SLC36A2: variants seen among roughly 807,000 people sequenced by gnomAD.
SLC36A2 encodes solute carrier family 36 member 2.
SLC36A2 carries 39 observed loss-of-function variants against 42.7 expected under a neutral mutation model. That is an observed-to-expected ratio of 0.91 (90% confidence interval 0.71 to 1.19). SLC36A2 has a LOEUF of 1.19. SLC36A2 is among the 50% of genes most tolerant of loss of function. SLC36A2 has a pLI of 0.00. For synonymous variants in SLC36A2, 237 were observed against 240.8 expected (o/e 0.98, Z 0.15); for missense variants, 590 against 613.7 (o/e 0.96, Z 0.41).
At chr5:151,318,343 A>C (rs1274752093) in intron 9 of SLC36A2, among the ~76,000 whole-genome samples, 1 of 151,206 alleles carries the variant, frequency 6.6e-6, no homozygotes, top group African/African-American at 2.4e-5. Flanking sequence ...TGTTTGTACT[A>C]TCAAAATTTG....
rs182464843 is a variant in SLC36A2, at chr5:151,332,271, T to C, written c.843+953A>G. Among the ~76,000 whole-genome samples the C allele has an allele frequency of 2.4e-3, 372 of 152,246 alleles. 1 individual carries two copies. The highest frequency in any genetic ancestry group is 4.2e-3 in the Admixed American group (64 of 15,296). ...CCATTTTTCTGATAAGGATTTTGTA[T>C]CTGGAATATATAAAGAACTCTTAAA... On this transcript the variant is annotated intron_variant, in intron 7 of 9. Coordinates refer to ENST00000335244, the MANE Select transcript of SLC36A2 (RefSeq NM_181776.3).
intron 6 of SLC36A2, among the ~76,000 whole-genome samples, chr5:151,334,709 GTAAA>G (rs1015306821): frequency 2.6e-5 from 4 of 151,868 alleles, no homozygotes; most frequent in African/African-American, 7.3e-5. Context: ...TAATAAGTAA[GTAAA>G]TAAATAAAAG....
At chr5:151,344,155 C>T (rs1479538645) in intron 2 of SLC36A2, 22 bp downstream of exon 2, 1 of 1,610,486 alleles carries the variant, frequency 6.2e-7, no homozygotes, top group Admixed American at 1.7e-5. Flanking sequence ...CATAAAGCCC[C>T]CACATGTGGC....
chr5:151,333,713 T>C (rs1756064100), intron 6 of SLC36A2, among the ~76,000 whole-genome samples: 2 of 152,030 alleles, frequency 1.3e-5, no homozygotes, highest in South Asian at 4.2e-4. Flanking sequence ...AATACAAAAA[T>C]TAGCCGGGCG....
intron 7 of SLC36A2, 86 bp downstream of exon 7, chr5:151,333,138 G>T: frequency 1.6e-6 from 2 of 1,239,204 alleles, no homozygotes; most frequent in Non-Finnish European, 1.2e-6. Flanking sequence ...ATGGCCAGCG[G>T]GACACAGAAA....
At chr5:151,324,349 T>A (rs921557213) in intron 8 of SLC36A2, among the ~76,000 whole-genome samples, 1 of 126,594 alleles carries the variant, frequency 7.9e-6, no homozygotes, top group Admixed American at 8.5e-5. Context: ...TTATTTATTT[T>A]GAGATGGAGT....
chr5:151,320,888 A>G (rs1428886958), intron 9 of SLC36A2, among the ~76,000 whole-genome samples: 1 of 152,208 alleles, frequency 6.6e-6, no homozygotes, highest in Non-Finnish European at 1.5e-5. Context: ...CCCATTTTCA[A>G]TGTCTGCCCT....
At chr5:151,345,262 T>G (rs553370648) in intron 1 of SLC36A2, among the ~76,000 whole-genome samples, 1 of 152,176 alleles carries the variant, frequency 6.6e-6, no homozygotes, top group Non-Finnish European at 1.5e-5. Context: ...GTTAGGAGAC[T>G]TATTCTTTGT....
intron 6 of SLC36A2, among the ~76,000 whole-genome samples, chr5:151,334,701 A>G (rs1345829076): frequency 1.3e-5 from 2 of 152,214 alleles, no homozygotes; most frequent in Non-Finnish European, 2.9e-5. Flanking sequence ...AAATAAATTA[A>G]TAAGTAAGTA....
At chr5:151,344,452 T>C (rs1756438331) in intron 1 of SLC36A2, among the ~76,000 whole-genome samples, 185 bp from the exon 2 acceptor site, 1 of 152,220 alleles carries the variant, frequency 6.6e-6, no homozygotes, top group African/African-American at 2.4e-5. Flanking sequence ...CCCAGAACTG[T>C]CCTGGTTTTA....
Position 151,316,652 on chromosome 5 carries a change from A to G in SLC36A2, c.*165T>C. 1.2e-6 allele frequency: 1 copy of G among 805,860 alleles called. No individual in the cohort carries two copies. Among genetic ancestry groups the G allele is most frequent in the South Asian group, 1.9e-5 (1 of 54,050 alleles). The allele number at this position is 805,860 out of a possible 1,614,324, so 49.9% of individuals were successfully genotyped here. ...CTACTCGGGAGGCTGAGGCAGGAGA[A>G]TCGCTTGAACCCAGGAGGCCGAAGT... is the stretch of plus-strand genomic sequence containing the variant. On this transcript the variant is annotated 3_prime_UTR_variant, in exon 10 of 10. Coordinates refer to ENST00000335244, the MANE Select transcript of SLC36A2 (RefSeq NM_181776.3).
In SLC36A2 at chr5:151,316,629, A is replaced by G; in HGVS notation, c.*188T>C. 2 of 673,474 alleles carry G rather than the reference A, an allele frequency of 3.0e-6. No individual in the cohort carries two copies. The highest frequency in any genetic ancestry group is 4.8e-6 in the Non-Finnish European group (2 of 417,482). 41.7% of individuals were successfully genotyped at this position (673,474 alleles called of 1,614,324 possible). A position where few individuals can be genotyped will look rare whatever the true frequency, so the allele number is the denominator to read the frequency against. On this transcript the variant is annotated 3_prime_UTR_variant, in exon 10 of 10. Coordinates refer to ENST00000335244, the MANE Select transcript of SLC36A2 (RefSeq NM_181776.3). Reference sequence around the variant, plus strand: ...CTGGACTATGCCTCTAATCCCAACTACTCGGGAGGCTGAGGCAGGAGAATC... The same window carrying G: ...CTGGACTATGCCTCTAATCCCAACTGCTCGGGAGGCTGAGGCAGGAGAATC...
chr5:151,338,804 G>A, intron 5 of SLC36A2: 1 of 358,338 alleles, frequency 2.8e-6, no homozygotes, highest in South Asian at 2.7e-5. Flanking sequence ...CAAAATCCAA[G>A]GGTCTTTCCA....
chr5:151,315,516 A>G lies in SLC36A2; in HGVS notation c.*1301T>C, dbSNP rs576837973. ...GTGGCAGGCACTTGTAATCCTAGCT[A>G]CTTGGGAGGCTGAGGCAGAAGAATC... On this transcript the variant is annotated 3_prime_UTR_variant, in exon 10 of 10. Coordinates refer to ENST00000335244, the MANE Select transcript of SLC36A2 (RefSeq NM_181776.3). 6.6e-5 allele frequency: 10 copies of G among 152,454 alleles called. No individual in the cohort carries two copies. The highest frequency in any genetic ancestry group is 2.2e-4 in the African/African-American group (9 of 41,594). The allele number at this position is 152,454 out of a possible 1,614,324, so 9.4% of individuals were successfully genotyped here.
In SLC36A2 at chr5:151,316,763, A is replaced by AT; in HGVS notation, c.*53_*54insA. On this transcript the variant is annotated 3_prime_UTR_variant, in exon 10 of 10. Coordinates refer to ENST00000335244, the MANE Select transcript of SLC36A2 (RefSeq NM_181776.3). Reference sequence around the variant, plus strand: ...CTCAAAAAAAAAAAAAAAAAAAAAAAGAGATCCATATAATTAAAAGTCGGG... The same window carrying AT: ...CTCAAAAAAAAAAAAAAAAAAAAAAATGAGATCCATATAATTAAAAGTCGGG... 6.7e-6 allele frequency: 10 copies of AT among 1,490,238 alleles called. No homozygotes were observed. The highest frequency in any genetic ancestry group is 2.3e-5 in the East Asian group (1 of 43,792). The allele number at this position is 1,490,238 out of a possible 1,614,324, so 92.3% of individuals were successfully genotyped here. A position where few individuals can be genotyped will look rare whatever the true frequency, so the allele number is the denominator to read the frequency against.
chr5:151,326,440 G>A (rs1755852640), intron 7 of SLC36A2, among the ~76,000 whole-genome samples: 1 of 152,146 alleles, frequency 6.6e-6, no homozygotes, highest in Admixed American at 6.5e-5. Context: ...GAGACTCCAG[G>A]AACACAGGGT....
At chr5:151,340,102 AAGG>A (rs1391070571) in intron 4 of SLC36A2, among the ~76,000 whole-genome samples, 16 of 137,296 alleles carry the variant, frequency 1.2e-4, no homozygotes, top group African/African-American at 4.2e-4. Flanking sequence ...AAAAGAGGAG[AAGG>A]AGGAGGAAGA....
In SLC36A2 at chr5:151,347,226, C is replaced by T. The variant is rs938753492; in HGVS notation, c.164+71G>A. ...GTGGGTTGAGGGTCAGACACACCCA[C>T]CTCAGGGTTTTTGCCAATGCAAGCT... is the stretch of plus-strand genomic sequence containing the variant. On this transcript the variant is annotated intron_variant, in intron 1 of 9. Transcript: ENST00000335244. 48 of 1,586,972 alleles carry T rather than the reference C, an allele frequency of 3.0e-5. No individual in the cohort carries two copies. In the Admixed American group the frequency reaches 7.2e-4, roughly 24 times the overall value.
chr5:151,324,916 C>T (rs956275536), intron 8 of SLC36A2, among the ~76,000 whole-genome samples: 14 of 152,132 alleles, frequency 9.2e-5, no homozygotes, highest in Non-Finnish European at 1.5e-4. Context: ...GAATGTGAAC[C>T]ACTGGCTGTG....
Sources: gnomAD v4.1 joint callset for allele counts (sites outside exome capture counted in the v4.1 genomes callset) on GRCh38, gnomAD v4.1.1 for gene constraint, MANE v1.5 for transcripts, NCBI Gene and HGNC (gene_info 2026-07-23, HGNC 2026-07-21) for gene names.